Variants in CELF2 observed in about 807,000 individuals in gnomAD.
The protein encoded by CELF2 is CUGBP Elav-like family member 2.
A neutral mutation model predicts 62.6 loss-of-function variants in CELF2; 8 were observed. That is an observed-to-expected ratio of 0.13 (90% CI 0.07 to 0.23). CELF2 has a LOEUF of 0.23. Ranked by LOEUF, CELF2 falls within the 10% of genes least tolerant of loss-of-function variation. CELF2 has a pLI of 1.00. For missense variants in CELF2, 333 were observed against 671.0 expected, an observed-to-expected ratio of 0.50 and a Z score of 5.56; for synonymous variants, 258 against 250.0, an observed-to-expected ratio of 1.03 and a Z score of -0.30.
intron 9 of CELF2, among the ~76,000 whole-genome samples, chr10:11,308,393 G>A (rs2094380415): frequency 6.6e-6 from 1 of 152,174 alleles, no homozygotes; most frequent in African/African-American, 2.4e-5. Flanking sequence ...GTGTGTGAGT[G>A]TGCTTAATGG....
chr10:10,571,729 G>A, the CELF2 span, among the ~76,000 whole-genome samples: 1 of 152,170 alleles, frequency 6.6e-6, no homozygotes, highest in Non-Finnish European at 1.5e-5. Flanking sequence ...TCGGACAGCA[G>A]ATTCTTGCAG....
chr10:10,882,755 T>G (rs1319315504), intron 1 of CELF2, among the ~76,000 whole-genome samples: 2 of 152,200 alleles, frequency 1.3e-5, no homozygotes, highest in Non-Finnish European at 2.9e-5. Flanking sequence ...TGCATTTTAT[T>G]ATTTTACTCC....
At chr10:11,051,521 C>T (rs922641777) in intron 1 of CELF2, among the ~76,000 whole-genome samples, 1 of 152,114 alleles carries the variant, frequency 6.6e-6, no homozygotes, top group Non-Finnish European at 1.5e-5. Flanking sequence ...GATGCCTGCC[C>T]GATCAAGTAT....
rs1409423733 is a variant in CELF2, at chr10:10,957,064, C to T, written c.89+37065C>T. On this transcript the variant is annotated intron_variant, in intron 2 of 13. Coordinates refer to the CELF2 transcript ENST00000636488. This position sits in a 1 kb window ranked among gnomAD's most constrained non-coding sequence, Gnocchi z 4.1. The stretch of plus-strand genomic sequence containing the variant: ...TGGCCCCACCTCTGACATCTAAGCA[C>T]TTCAGGATCAAGTGTAGACTCTTGC... Among the ~76,000 whole-genome samples, 3 of 152,214 alleles carry T rather than the reference C, an allele frequency of 2.0e-5. No homozygotes were observed. Among genetic ancestry groups the T allele is most frequent in the Non-Finnish European group, 2.9e-5 (2 of 68,050 alleles).
intron 2 of CELF2, among the ~76,000 whole-genome samples, chr10:11,170,959 T>G (rs1255542082): frequency 6.6e-6 from 1 of 152,186 alleles, no homozygotes; most frequent in Non-Finnish European, 1.5e-5. Context: ...AGTGATAGAT[T>G]AAAATCACTT....
At chr10:11,182,347 T>C (rs2073700170) in intron 2 of CELF2, among the ~76,000 whole-genome samples, 1 of 152,238 alleles carries the variant, frequency 6.6e-6, no homozygotes, top group Non-Finnish European at 1.5e-5. Context: ...CTTTGAGTTT[T>C]CATCCATCAC....
intron 1 of CELF2, among the ~76,000 whole-genome samples, chr10:10,801,068 C>A (rs1380452671): frequency 2.0e-5 from 2 of 100,716 alleles, no homozygotes; most frequent in African/African-American, 8.4e-5. Context: ...AAGTCTTAAC[C>A]CGTTTTTAAA....
Position 11,328,942 on chromosome 10 carries a change from C to T in CELF2, c.1455C>T (p.Asp485=), listed in dbSNP as rs547056497. ...ATTTTCCAGGTTTTGTTAGCTACGA[C>T]AATCCAGTCTCTGCACAAGCTGCTA... ...LSKCFGFVSY[D]NPVSAQAAIQ... The change falls in exon 13 of 13, where the codon GAC becomes GAT. Residue 485 remains aspartate, a synonymous_variant. Coordinates refer to ENST00000633077, the MANE Select transcript of CELF2 (RefSeq NM_001326342.2). This position sits in a 1 kb window ranked among gnomAD's most constrained non-coding sequence, Gnocchi z 6.4. The T allele has an allele frequency of 3.7e-6, 6 of 1,609,110 alleles. No homozygotes were observed. In the African/African-American group the frequency reaches 5.3e-5, roughly 14 times the overall value.
chr10:10,491,139 A>G, the CELF2 span, among the ~76,000 whole-genome samples: 2 of 152,270 alleles, frequency 1.3e-5, no homozygotes, highest in East Asian at 3.9e-4. Flanking sequence ...TCAAGGTCAA[A>G]GTTAGAGGAA....
At chr10:10,618,543 A>ACCAT in the CELF2 span, among the ~76,000 whole-genome samples, 1 of 152,008 alleles carries the variant, frequency 6.6e-6, no homozygotes, top group African/African-American at 2.4e-5. Context: ...AAGCACCCCG[A>ACCAT]CCATTCCTCA....
intron 2 of CELF2, among the ~76,000 whole-genome samples, chr10:11,193,189 G>A (rs1469118108): frequency 6.6e-6 from 1 of 152,130 alleles, no homozygotes; most frequent in Non-Finnish European, 1.5e-5. Flanking sequence ...TTCCTTTGGA[G>A]AGCTGGATTT....
chr10:11,221,914 G>A lies in CELF2; in HGVS notation c.354+4407G>A, dbSNP rs900491095. On this transcript the variant is annotated intron_variant, in intron 3 of 12. Coordinates refer to ENST00000633077, the MANE Select transcript of CELF2 (RefSeq NM_001326342.2). ...TTACAATAACCCATGCAAGGTGAGC[G>A]AGGACTGCCAGAGATCTGGGGTAGA... Among the ~76,000 whole-genome samples the A allele has an allele frequency of 1.1e-4, 16 of 152,340 alleles. No homozygotes were observed. In the East Asian group the frequency reaches 1.3e-3, roughly 13 times the overall value.
intron 1 of CELF2, among the ~76,000 whole-genome samples, chr10:11,057,923 T>G (rs578155029): frequency 2.0e-5 from 3 of 152,354 alleles, no homozygotes; most frequent in Admixed American, 2.0e-4. Context: ...CTTTCTACTG[T>G]TAGCAAGACA....
chr10:10,499,412 A>G, the CELF2 span, among the ~76,000 whole-genome samples: 1 of 152,186 alleles, frequency 6.6e-6, no homozygotes, highest in Non-Finnish European at 1.5e-5. Flanking sequence ...ATTGAATACA[A>G]GACATTCAAA....
Position 10,928,533 on chromosome 10 carries a change from G to C in CELF2, c.89+8534G>C, listed in dbSNP as rs893943291. On this transcript the variant is annotated intron_variant, in intron 2 of 13. Coordinates refer to the CELF2 transcript ENST00000636488. This position sits in a 1 kb window ranked among gnomAD's most constrained non-coding sequence, Gnocchi z 4.8. ...GAACACAGCCATAACATCTATTTAT[G>C]TGTTGTCTGTACCATTTTTGTGCTA... is the stretch of plus-strand genomic sequence containing the variant. Among the ~76,000 whole-genome samples, 6 of 152,144 alleles carry C rather than the reference G, an allele frequency of 3.9e-5. No individual in the cohort carries two copies. Among genetic ancestry groups the C allele is most frequent in the African/African-American group, 1.4e-4 (6 of 41,406 alleles).
chr10:11,154,726 A>G (rs1338725248), intron 1 of CELF2, among the ~76,000 whole-genome samples: 4 of 152,192 alleles, frequency 2.6e-5, no homozygotes, highest in African/African-American at 9.7e-5. Flanking sequence ...CTCATCAATC[A>G]TCTGTTGTGA....
chr10:10,659,668 A>T, the CELF2 span, among the ~76,000 whole-genome samples: 4 of 152,142 alleles, frequency 2.6e-5, no homozygotes, highest in Admixed American at 6.5e-5. Flanking sequence ...CCTAAACAGA[A>T]TTGACTTCCA....
At chr10:10,517,592 C>T in the CELF2 span, among the ~76,000 whole-genome samples, 7 of 152,136 alleles carry the variant, frequency 4.6e-5, no homozygotes, top group South Asian at 2.1e-4. Context: ...CTTAGTGAAA[C>T]GCACTGGAGA....
At chr10:10,961,728 G>A (rs1393685713) in intron 2 of CELF2, among the ~76,000 whole-genome samples, 1 of 150,380 alleles carries the variant, frequency 6.6e-6, no homozygotes, top group African/African-American at 2.5e-5. Context: ...TCCACCCTGA[G>A]CAACAGAGCA....
Sources: allele counts gnomAD v4.1 joint callset (sites outside exome capture counted in the v4.1 genomes callset), GRCh38; gene constraint gnomAD v4.1.1; non-coding constraint Gnocchi (gnomAD v3.1); transcripts MANE v1.5; gene names NCBI Gene and HGNC (gene_info 2026-07-23, HGNC 2026-07-21).